Variants in SLC35D1 observed in about 807,000 individuals in gnomAD.
SLC35D1 encodes the protein nucleotide sugar transporter SLC35D1.
SLC35D1 carries 31 observed loss-of-function variants against 46.7 expected under a neutral mutation model. The ratio of observed to expected loss-of-function variants is 0.66; its 90% CI spans 0.50 to 0.90. SLC35D1 has a LOEUF of 0.90. Among genes scored for constraint, SLC35D1 ranks in the 40% least tolerant of loss-of-function variants. SLC35D1 has a pLI of 0.00. For synonymous variants in SLC35D1, 195 were observed against 164.6 expected (o/e 1.18, Z -1.41); for missense variants, 397 against 426.2 (o/e 0.93, Z 0.60).
intron 10 of SLC35D1, among the ~76,000 whole-genome samples, chr1:67,016,126 G>T (rs1308098529): frequency 6.6e-6 from 1 of 151,954 alleles, no homozygotes; most frequent in Non-Finnish European, 1.5e-5. Flanking sequence ...TTATATAAAT[G>T]TGTTATTAAT....
In SLC35D1 at chr1:66,999,570, T is replaced by C. The variant is rs1173804440; in HGVS notation, c.*4770A>G. On this transcript the variant is annotated 3_prime_UTR_variant, in exon 12 of 12. Transcript: ENST00000235345. ...ACACCTGTAGACAAAAATCAGTTGATCATCAGCATGAGAAAGAAAACATTT... is the reference window on the plus strand; with the variant it reads ...ACACCTGTAGACAAAAATCAGTTGACCATCAGCATGAGAAAGAAAACATTT... The C allele has an allele frequency of 6.6e-6, 1 of 152,130 alleles. No individual in the cohort carries two copies. The highest frequency in any genetic ancestry group is 2.4e-5 in the African/African-American group (1 of 41,356). 9.4% of individuals were successfully genotyped at this position (152,130 alleles called of 1,614,324 possible). A position where few individuals can be genotyped will look rare whatever the true frequency, so the allele number is the denominator to read the frequency against.
the SLC35D1 span, among the ~76,000 whole-genome samples, chr1:66,989,608 T>C: frequency 6.6e-6 from 1 of 152,108 alleles, no homozygotes; most frequent in East Asian, 1.9e-4. Flanking sequence ...GGTTTACAGT[T>C]GTGCACCACC....
chr1:66,996,733 C>T (rs1033112027), downstream of SLC35D1, among the ~76,000 whole-genome samples: 6 of 152,232 alleles, frequency 3.9e-5, no homozygotes, highest in African/African-American at 1.4e-4. Flanking sequence ...CTCCTCTGAG[C>T]AGTGCATCAT....
In SLC35D1 at chr1:67,001,396, T is replaced by C. The variant is rs1003604159; in HGVS notation, c.*2944A>G. The stretch of plus-strand genomic sequence containing the variant: ...CACAGCCACATGAGGCAATTAAAAC[T>C]CAACGGGACATGCTGGCAATGTGTA... On this transcript the variant is annotated 3_prime_UTR_variant, in exon 12 of 12. Coordinates refer to ENST00000235345, the MANE Select transcript of SLC35D1 (RefSeq NM_015139.3). 6.6e-6 allele frequency: 1 copy of C among 152,282 alleles called. No homozygotes were observed. The highest frequency in any genetic ancestry group is 2.4e-5 in the African/African-American group (1 of 41,420). The allele number at this position is 152,282 out of a possible 1,614,324, so 9.4% of individuals were successfully genotyped here.
chr1:67,053,944 G>A lies in SLC35D1; in HGVS notation c.70C>T (p.Arg24Ter). Residue 24 changes from arginine (R) to a stop codon, truncating the protein, a stop_gained, in exon 1 of 12, where the codon CGA (arginine) becomes TGA (stop). Coordinates refer to ENST00000235345, the MANE Select transcript of SLC35D1 (RefSeq NM_015139.3). LOFTEE classifies it high-confidence loss of function. Reference protein sequence around the residue: ...GEAPAKSSTLRDEEELGMASA... With the variant: ...GEAPAKSSTL ...GCCATCCCCAGCTCCTCCTCATCTC[G>A]GAGTGTGGAGGATTTCGCGGGGGCT... 1 of 1,613,708 alleles carries A rather than the reference G, an allele frequency of 6.2e-7. No individual in the cohort carries two copies.
chr1:66,977,672 A>G, the SLC35D1 span, among the ~76,000 whole-genome samples: 25 of 152,182 alleles, frequency 1.6e-4, 2 homozygotes, highest in Admixed American at 9.8e-4. Flanking sequence ...ACCACTGGCA[A>G]TTTGTTACTT....
At chr1:67,021,646 A>C in intron 8 of SLC35D1, 44 bp from the exon 9 acceptor site, 1 of 1,599,696 alleles carries the variant, frequency 6.3e-7, no homozygotes, top group Non-Finnish European at 8.6e-7. Context: ...CAGGCCTTCA[A>C]AATCAGCTAT....
At chr1:67,012,837 G>A (rs1241468400) in intron 10 of SLC35D1, among the ~76,000 whole-genome samples, 1 of 152,046 alleles carries the variant, frequency 6.6e-6, no homozygotes, top group Non-Finnish European at 1.5e-5. Context: ...TCAATTCCTG[G>A]TCAGAGAATC....
the SLC35D1 span, chr1:66,986,191 T>C: frequency 8.0e-7 from 1 of 1,247,158 alleles, no homozygotes; most frequent in Non-Finnish European, 1.0e-6. Flanking sequence ...TTTTCAGATT[T>C]GATAATGCTT....
At chr1:67,053,586 C>T (rs1395019087) in intron 1 of SLC35D1, among the ~76,000 whole-genome samples, 2 of 151,982 alleles carry the variant, frequency 1.3e-5, no homozygotes, top group Non-Finnish European at 2.9e-5. Context: ...CCAAATGTGC[C>T]GGGCCGGCCG....
chr1:66,991,206 CT>C, the SLC35D1 span, among the ~76,000 whole-genome samples: 2 of 152,144 alleles, frequency 1.3e-5, no homozygotes, highest in African/African-American at 2.4e-5. Flanking sequence ...TTTTTGAAAA[CT>C]TTTCTTTCTT....
At chr1:66,977,939 C>T in the SLC35D1 span, among the ~76,000 whole-genome samples, 1 of 152,080 alleles carries the variant, frequency 6.6e-6, no homozygotes, top group Non-Finnish European at 1.5e-5. Flanking sequence ...TGGCTCACTC[C>T]TGTAATCCCA....
chr1:67,004,315 C>T lies in SLC35D1; in HGVS notation c.*25G>A, dbSNP rs756647661. Reference sequence around the variant, plus strand: ...TGAGTTGATTAAAAACTTAGGCCTACGTATCAGATGAAGCAATCCTCTGGT... The same window carrying T: ...TGAGTTGATTAAAAACTTAGGCCTATGTATCAGATGAAGCAATCCTCTGGT... On this transcript the variant is annotated 3_prime_UTR_variant, in exon 12 of 12. Transcript: ENST00000235345. 2.1e-5 allele frequency: 34 copies of T among 1,596,468 alleles called. No homozygotes were observed. Among genetic ancestry groups the T allele is most frequent in the Middle Eastern group, 3.3e-4 (2 of 6,050 alleles).
chr1:66,990,152 T>C, the SLC35D1 span, among the ~76,000 whole-genome samples: 24 of 152,240 alleles, frequency 1.6e-4, no homozygotes, highest in African/African-American at 5.5e-4. Context: ...TCCTGAATTA[T>C]AAGCTTTATG....
intron 7 of SLC35D1, among the ~76,000 whole-genome samples, chr1:67,044,917 A>G (rs1645235244): frequency 6.6e-6 from 1 of 152,188 alleles, no homozygotes. Flanking sequence ...GGATGTATTA[A>G]AAAGCACCTC....
chr1:67,045,903 T>C (rs945379692), intron 7 of SLC35D1, among the ~76,000 whole-genome samples: 5 of 152,156 alleles, frequency 3.3e-5, no homozygotes, highest in African/African-American at 1.2e-4. Context: ...ACAAATAAAA[T>C]GTCATTAATA....
chr1:67,047,157 T>C (rs1272949796), intron 7 of SLC35D1, 108 bp downstream of exon 7: 2 of 814,222 alleles, frequency 2.5e-6, no homozygotes, highest in Non-Finnish European at 4.1e-6. Context: ...AGAGCCACTA[T>C]GTCTTTCTCA....
the SLC35D1 span, among the ~76,000 whole-genome samples, chr1:66,981,169 A>G: frequency 1.3e-5 from 2 of 152,204 alleles, no homozygotes; most frequent in Admixed American, 6.5e-5. Context: ...CTGCTCACCA[A>G]TGTCACTTAA....
chr1:66,979,500 T>C, the SLC35D1 span, among the ~76,000 whole-genome samples: 1 of 152,178 alleles, frequency 6.6e-6, no homozygotes, highest in African/African-American at 2.4e-5. Flanking sequence ...TTGGGAACCT[T>C]ATTGGAGATT....
Sources: allele counts gnomAD v4.1 joint callset (sites outside exome capture counted in the v4.1 genomes callset), GRCh38; gene constraint gnomAD v4.1.1; transcripts MANE v1.5; gene names NCBI Gene and HGNC (gene_info 2026-07-23, HGNC 2026-07-21).